The following TP73 variants were observed in gnomAD, a reference collection of about 807,000 sequenced individuals.
TP73 encodes the protein tumor protein p73, also known as p53-like transcription factor.
A neutral mutation model predicts 62.5 loss-of-function variants in TP73; 25 were observed. That is an observed-to-expected ratio of 0.40 (90% confidence interval 0.29 to 0.56). The LOEUF is 0.56. Among genes scored for constraint, TP73 ranks in the 20% least tolerant of loss-of-function variants. TP73 has a pLI of 0.46. For missense variants in TP73, 754 were observed against 913.3 expected, an observed-to-expected ratio of 0.83 and a Z score of 2.25; for synonymous variants, 423 against 377.5, an observed-to-expected ratio of 1.12 and a Z score of -1.40.
chr1:3,727,877 GC>G, intron 8 of TP73, 107 bp downstream of exon 8: 1 of 1,412,776 alleles, frequency 7.1e-7, no homozygotes, highest in Non-Finnish European at 9.3e-7. Flanking sequence ...TCCCTGAACG[GC>G]CCCCCACGCC....
chr1:3,690,414 G>C (rs1645784149), intron 3 of TP73, among the ~76,000 whole-genome samples: 1 of 152,166 alleles, frequency 6.6e-6, no homozygotes, highest in Admixed American at 6.5e-5. Context: ...CAGGGCCGGG[G>C]CTCAGCCCTC....
At position 3,733,109 on chromosome 1, in the gene TP73, C is replaced by G. The variant is rs368560163; in HGVS notation, c.*30C>G. On this transcript the variant is annotated 3_prime_UTR_variant, in exon 14 of 14. Coordinates refer to ENST00000378295, the MANE Select transcript of TP73 (RefSeq NM_005427.4). ...CTCGCCTGGCTGCAGCCTGCGCCAC[C>G]GCCCAGAGACCCAAGCTGCCTCCCC... 2.0e-6 allele frequency: 3 copies of G among 1,501,868 alleles called. No individual in the cohort carries two copies. Among genetic ancestry groups the G allele is most frequent in the African/African-American group, 1.4e-5 (1 of 72,374 alleles). The allele number at this position is 1,501,868 out of a possible 1,614,324, so 93.0% of individuals were successfully genotyped here. A position where few individuals can be genotyped will look rare whatever the true frequency, so the allele number is the denominator to read the frequency against.
rs146367114 is a variant in TP73, at chr1:3,680,860, G to A, written c.-33-1473G>A. 2.0e-3 allele frequency among the ~76,000 whole-genome samples: 311 copies of A among 152,368 alleles called. 3 individuals carry two copies. The highest frequency in any genetic ancestry group is 6.9e-3 in the African/African-American group (288 of 41,592). On this transcript the variant is annotated intron_variant, in intron 1 of 13. Transcript: ENST00000378295. ...TGCAAGGGCACACCCACCTGGCCACGTGATGGTGAAGTGGGGTGGGGCAGG... is the reference window on the plus strand; with the variant it reads ...TGCAAGGGCACACCCACCTGGCCACATGATGGTGAAGTGGGGTGGGGCAGG...
intron 1 of TP73, among the ~76,000 whole-genome samples, chr1:3,664,845 C>T (rs1645075877): frequency 6.6e-6 from 1 of 152,172 alleles, no homozygotes; most frequent in Admixed American, 6.5e-5. Context: ...AGATGTGCTC[C>T]CTCTTTAGAG....
intron 6 of TP73, among the ~76,000 whole-genome samples, chr1:3,724,123 T>TA (rs35380007): frequency 0.25 from 37,184 of 151,684 alleles, 5,571 homozygotes; most frequent in Non-Finnish European, 0.33. Flanking sequence ...AAAGGCAGCA[T>TA]AAGTTTCTGG....
At chr1:3,713,064 C>T (rs915686488) in intron 4 of TP73, among the ~76,000 whole-genome samples, 1 of 152,224 alleles carries the variant, frequency 6.6e-6, no homozygotes, top group Non-Finnish European at 1.5e-5. Context: ...GGGGAGAAAG[C>T]CTTGGACCGA....
rs368980007 is a variant in TP73, at chr1:3,691,966, C to T, written c.186+8786C>T. ...AGCGTGCACATCAATGTGCATGTGG[C>T]GGGTGGGTATTGGTGTGCGTGCATG... On this transcript the variant is annotated intron_variant, in intron 3 of 13. Transcript: ENST00000378295. 1.1e-3 allele frequency among the ~76,000 whole-genome samples: 167 copies of T among 152,084 alleles called. 1 individual carries two copies. In the East Asian group the frequency reaches 0.027, roughly 25 times the overall value.
chr1:3,706,644 A>G (rs1254031828), intron 3 of TP73, among the ~76,000 whole-genome samples: 2 of 152,074 alleles, frequency 1.3e-5, no homozygotes, highest in Admixed American at 6.5e-5. Context: ...CAGCCCACCA[A>G]GTGAGGTCTG....
intron 8 of TP73, 126 bp downstream of exon 8, chr1:3,727,896 C>T: frequency 7.3e-7 from 1 of 1,378,330 alleles, no homozygotes. Context: ...GCCCAGACTC[C>T]TCCCTGACGG....
Position 3,683,093 on chromosome 1 carries a change from G to A in TP73, c.99G>A (p.Gln33=). 6.2e-7 allele frequency: 1 copy of A among 1,611,850 alleles called. No homozygotes were observed. The highest frequency in any genetic ancestry group is 8.5e-7 in the Non-Finnish European group (1 of 1,178,332). Residue 33 remains glutamine (Q), a synonymous_variant, in exon 3 of 14, where the codon CAG becomes CAA. Transcript: ENST00000378295. The part of the protein sequence containing the change: ...EPDSTYFDLP[Q]SSRGNNEVVG... ...ACAGCACCTACTTCGACCTTCCCCA[G>A]TCAAGCCGGGGGAATAATGAGGTGG...
chr1:3,695,495 C>A (rs1289153804), intron 3 of TP73, among the ~76,000 whole-genome samples: 1 of 152,226 alleles, frequency 6.6e-6, no homozygotes, highest in Non-Finnish European at 1.5e-5. Context: ...GCATGGTGGG[C>A]ATCCATGCGT....
intron 3 of TP73, among the ~76,000 whole-genome samples, chr1:3,704,858 G>T (rs552147829): frequency 6.6e-6 from 1 of 152,298 alleles, no homozygotes; most frequent in South Asian, 2.1e-4. Flanking sequence ...TCCATCCTCT[G>T]TGCCAGAAGC....
At chr1:3,708,888 C>T (rs1048603876) in intron 4 of TP73, among the ~76,000 whole-genome samples, 2 of 152,224 alleles carry the variant, frequency 1.3e-5, no homozygotes, top group African/African-American at 2.4e-5. Context: ...GCCCCGCCTC[C>T]CCGGGCACAG....
chr1:3,678,943 G>A (rs536727766), intron 1 of TP73, among the ~76,000 whole-genome samples: 5 of 152,346 alleles, frequency 3.3e-5, no homozygotes, highest in African/African-American at 1.2e-4. Flanking sequence ...CGTGGAGGAA[G>A]CCCCTTTCCC....
chr1:3,703,103 C>A (rs1442789669), intron 3 of TP73, among the ~76,000 whole-genome samples: 2 of 152,158 alleles, frequency 1.3e-5, no homozygotes, highest in Non-Finnish European at 2.9e-5. Flanking sequence ...CCCAGAAAGC[C>A]CCCTACACTT....
chr1:3,733,821 C>T lies in TP73; in HGVS notation c.*742C>T, dbSNP rs1642310580. 6.6e-6 allele frequency: 1 copy of T among 152,246 alleles called. No individual in the cohort carries two copies. The highest frequency in any genetic ancestry group is 1.5e-5 in the Non-Finnish European group (1 of 68,056). The allele number at this position is 152,246 out of a possible 1,614,324, so 9.4% of individuals were successfully genotyped here. A position where few individuals can be genotyped will look rare whatever the true frequency, so the allele number is the denominator to read the frequency against. ...CTCAGCCTGGCCACAGTCGCCTCTC[C>T]TCGGGGACCCCTCAGCAGAAAGGGA... On this transcript the variant is annotated 3_prime_UTR_variant, in exon 14 of 14. Coordinates refer to ENST00000378295, the MANE Select transcript of TP73 (RefSeq NM_005427.4).
chr1:3,685,309 C>T (rs940508026), intron 3 of TP73, among the ~76,000 whole-genome samples: 3 of 152,220 alleles, frequency 2.0e-5, no homozygotes, highest in Non-Finnish European at 4.4e-5. Context: ...GTCCGAGCCC[C>T]CGCCTGCTGG....
At chr1:3,690,592 C>G in intron 3 of TP73, 2 of 1,254,130 alleles carry the variant, frequency 1.6e-6, no homozygotes, top group Non-Finnish European at 2.0e-6. Context: ...TCCAACACAT[C>G]ACCGGGCAAG....
Position 3,735,132 on chromosome 1 carries a change from C to A in TP73, c.*2053C>A, listed in dbSNP as rs931242270. 1 of 152,232 alleles carries A rather than the reference C, an allele frequency of 6.6e-6. No individual in the cohort carries two copies. Among genetic ancestry groups the A allele is most frequent in the Non-Finnish European group, 1.5e-5 (1 of 68,084 alleles). The allele number at this position is 152,232 out of a possible 1,614,324, so 9.4% of individuals were successfully genotyped here. ...GAGACCAGAAAGGCTAAGACCCATG[C>A]CCCAGGCACCACACCCATCTCTTGG... On this transcript the variant is annotated 3_prime_UTR_variant, in exon 14 of 14. Coordinates refer to ENST00000378295, the MANE Select transcript of TP73 (RefSeq NM_005427.4).
Sources: allele counts gnomAD v4.1 joint callset (sites outside exome capture counted in the v4.1 genomes callset), GRCh38; gene constraint gnomAD v4.1.1; transcripts MANE v1.5; gene names NCBI Gene and HGNC (gene_info 2026-07-23, HGNC 2026-07-21).